Variants in CNTNAP2 observed in about 807,000 individuals in gnomAD.
The protein encoded by CNTNAP2 is contactin-associated protein-like 2.
Under a neutral mutation model 155.2 loss-of-function variants are expected in CNTNAP2, and 98 were observed. That is an observed-to-expected ratio of 0.63 (90% CI 0.54 to 0.75). The LOEUF (loss-of-function observed/expected upper bound fraction) is 0.75. Among genes scored for constraint, CNTNAP2 ranks in the 30% least tolerant of loss-of-function variants. The pLI is 0.00. For synonymous variants in CNTNAP2, 651 were observed against 631.2 expected (o/e 1.03, Z -0.47); for missense variants, 1,727 against 1,688.1 (o/e 1.02, Z -0.40).
rs189663533 is a variant in CNTNAP2, at chr7:146,370,767, T to C, written c.97+253794T>C. 1.9e-3 allele frequency among the ~76,000 whole-genome samples: 295 copies of C among 152,274 alleles called. 1 individual carries two copies. Among genetic ancestry groups the C allele is most frequent in the African/African-American group, 6.8e-3 (282 of 41,570 alleles). ...ATGAAAGAACTCCCCATTATTTGTA[T>C]GGCAAATGTGTGTACTTATAGAATA... On this transcript the variant is annotated intron_variant, in intron 1 of 23. Coordinates refer to ENST00000361727, the MANE Select transcript of CNTNAP2 (RefSeq NM_014141.6).
intron 1 of CNTNAP2, among the ~76,000 whole-genome samples, chr7:146,463,920 C>T (rs1432079241): frequency 2.0e-5 from 3 of 152,002 alleles, no homozygotes; most frequent in African/African-American, 7.2e-5. Flanking sequence ...TGGTGTGGAT[C>T]ACTATTTTAG....
chr7:146,938,718 A>T (rs945687069), intron 3 of CNTNAP2, among the ~76,000 whole-genome samples: 1 of 152,054 alleles, frequency 6.6e-6, no homozygotes, highest in African/African-American at 2.4e-5. Context: ...TGCTAATCTT[A>T]TTATTCTGTA....
chr7:146,522,647 T>C (rs545334760), intron 1 of CNTNAP2, among the ~76,000 whole-genome samples: 19 of 152,004 alleles, frequency 1.2e-4, no homozygotes, highest in Non-Finnish European at 2.7e-4. Flanking sequence ...GGAAAGCATT[T>C]TTAGATATTA....
At chr7:146,922,262 GAAAAAA>G (rs34517769) in intron 3 of CNTNAP2, among the ~76,000 whole-genome samples, 2 of 146,860 alleles carry the variant, frequency 1.4e-5, no homozygotes, top group Non-Finnish European at 3.0e-5. Flanking sequence ...CTTAATAAAG[GAAAAAA>G]AAAAAACGCC....
chr7:148,092,584 G>A (rs1008148503), intron 15 of CNTNAP2, among the ~76,000 whole-genome samples: 1 of 152,182 alleles, frequency 6.6e-6, no homozygotes, highest in East Asian at 1.9e-4. Flanking sequence ...CTAGTCCGAA[G>A]CCTAGTGGTT....
intron 1 of CNTNAP2, among the ~76,000 whole-genome samples, chr7:146,296,958 C>G (rs576897076): frequency 0.022 from 3,322 of 149,376 alleles, 142 homozygotes; most frequent in African/African-American, 0.076. Context: ...CAGGTATTAT[C>G]TGTGTGTGTG....
At chr7:146,821,768 T>C (rs1257581822) in intron 2 of CNTNAP2, among the ~76,000 whole-genome samples, 18 of 151,772 alleles carry the variant, frequency 1.2e-4, no homozygotes, top group African/African-American at 4.4e-4. Flanking sequence ...AAAACCACAA[T>C]GAGATACCAT....
chr7:148,072,771 G>C (rs117772712), intron 15 of CNTNAP2, among the ~76,000 whole-genome samples: 2 of 152,128 alleles, frequency 1.3e-5, no homozygotes, highest in South Asian at 4.1e-4. Flanking sequence ...GCAGTAGTGC[G>C]ATCTTGGCTC....
chr7:147,083,467 T>C (rs1173681350), intron 4 of CNTNAP2, among the ~76,000 whole-genome samples: 2 of 150,010 alleles, frequency 1.3e-5, no homozygotes, highest in East Asian at 2.0e-4. Flanking sequence ...ATTGTACAAA[T>C]GATTTCTCAT....
intron 1 of CNTNAP2, among the ~76,000 whole-genome samples, chr7:146,535,113 T>TA (rs1797829632): frequency 0.056 from 1 of 18 alleles, no homozygotes; most frequent in Non-Finnish European, 0.071. Flanking sequence ...TATATATATA[T>TA]GATATATATC....
At chr7:146,400,789 A>G (rs1795703096) in intron 1 of CNTNAP2, among the ~76,000 whole-genome samples, 3 of 152,352 alleles carry the variant, frequency 2.0e-5, no homozygotes, top group South Asian at 2.1e-4. Flanking sequence ...AATGTTAAAT[A>G]AGGAGTTGCA....
chr7:146,738,056 T>C (rs1157977670), intron 1 of CNTNAP2, among the ~76,000 whole-genome samples: 2 of 152,064 alleles, frequency 1.3e-5, no homozygotes, highest in African/African-American at 4.8e-5. Flanking sequence ...TTCTGTATCA[T>C]ATGGTAATTC....
intron 11 of CNTNAP2, among the ~76,000 whole-genome samples, chr7:147,511,780 C>T (rs1799027443): frequency 6.6e-6 from 1 of 152,050 alleles, no homozygotes; most frequent in Admixed American, 6.6e-5. Context: ...ATAGTAGCCA[C>T]CAGAGAACTT....
At chr7:147,006,584 G>GA (rs1563041209) in intron 3 of CNTNAP2, among the ~76,000 whole-genome samples, 1 of 151,702 alleles carries the variant, frequency 6.6e-6, no homozygotes, top group East Asian at 1.9e-4. Context: ...TGCATATTCA[G>GA]AAAAAAAGAA....
chr7:146,779,742 G>A (rs1243184602), intron 2 of CNTNAP2, among the ~76,000 whole-genome samples: 3 of 152,136 alleles, frequency 2.0e-5, no homozygotes, highest in Non-Finnish European at 4.4e-5. Context: ...CCCATTTTAA[G>A]AATGCGTCAT....
At chr7:148,345,572 A>C (rs2116588257) in intron 21 of CNTNAP2, among the ~76,000 whole-genome samples, 1 of 152,076 alleles carries the variant, frequency 6.6e-6, no homozygotes, top group South Asian at 2.1e-4. Flanking sequence ...TTTAGAAGAG[A>C]TGGGGTTTCG....
At chr7:147,643,537 CT>C (rs1354504812) in intron 13 of CNTNAP2, 1 of 152,028 alleles carries the variant, frequency 6.6e-6, no homozygotes, top group Non-Finnish European at 1.5e-5. Flanking sequence ...CTAATGTTTA[CT>C]GTAATTGATT....
intron 1 of CNTNAP2, among the ~76,000 whole-genome samples, chr7:146,602,369 C>A (rs1378443427): frequency 1.3e-5 from 2 of 152,126 alleles, no homozygotes; most frequent in African/African-American, 2.4e-5. Context: ...TCAACAGCAT[C>A]TAATGTTGCA....
At chr7:147,500,753 A>G (rs1798795050) in intron 11 of CNTNAP2, among the ~76,000 whole-genome samples, 1 of 152,222 alleles carries the variant, frequency 6.6e-6, no homozygotes, top group Admixed American at 6.5e-5. Flanking sequence ...AGCATCTTAA[A>G]TTCTTTTCAA....
Sources: allele counts gnomAD v4.1 joint callset (sites outside exome capture counted in the v4.1 genomes callset), GRCh38; gene constraint gnomAD v4.1.1; transcripts MANE v1.5; gene names NCBI Gene and HGNC (gene_info 2026-07-23, HGNC 2026-07-21).